ABCC9: variants seen among roughly 807,000 people sequenced by gnomAD.
ABCC9 encodes the protein ATP binding cassette subfamily C member 9, also known as ATP-binding cassette sub-family C member 9.
A neutral mutation model predicts 188.3 loss-of-function variants in ABCC9; 95 were observed. The ratio of observed to expected loss-of-function variants is 0.50; its 90% CI spans 0.43 to 0.60. The LOEUF (loss-of-function observed/expected upper bound fraction) is 0.60, where lower values mean the gene tolerates loss of function less well. Ranked by LOEUF, ABCC9 falls within the 20% of genes least tolerant of loss-of-function variation. The probability of loss-of-function intolerance (pLI) is 0.00; values close to 1 mark genes in which losing one functional copy is unlikely to be tolerated. For synonymous variants in ABCC9, 659 were observed against 652.7 expected (o/e 1.01, Z -0.15); for missense variants, 1,102 against 1,876.3 (o/e 0.59, Z 7.62).
chr12:21,814,735 C>T lies in ABCC9; in HGVS notation c.4024-13G>A. ...CACATATGCCCACCTAGGAAAACAG[C>T]TGTCACTCAAAGAGAAGAGGACTCA... On this transcript the variant is annotated splice_polypyrimidine_tract_variant and intron_variant, in intron 34 of 39. Coordinates refer to ENST00000261200, the MANE Select transcript of ABCC9 (RefSeq NM_020297.4). 6.2e-7 allele frequency: 1 copy of T among 1,612,334 alleles called. No individual in the cohort carries two copies. The highest frequency in any genetic ancestry group is 8.5e-7 in the Non-Finnish European group (1 of 1,178,488).
intron 16 of ABCC9, among the ~76,000 whole-genome samples, chr12:21,881,620 T>C (rs1946621164): frequency 6.6e-6 from 1 of 151,950 alleles, no homozygotes; most frequent in Admixed American, 6.6e-5. Flanking sequence ...AACAACAGCA[T>C]AGAGGACCAT....
At position 21,894,094 on chromosome 12, in the gene ABCC9, G is replaced by T; in HGVS notation, c.1740C>A (p.Ile580=). The stretch of plus-strand genomic sequence containing the variant: ...AGAGCAGGAACAGTGGTGTGACCAG[G>T]ATATGGAAGAGAGACAGTGAAGCAA... ...EAFASLSLFH[I]LVTPLFLLST... Residue 580 remains isoleucine, a synonymous_variant, in exon 14 of 40, where the codon ATC becomes ATA. Transcript: ENST00000261200. 5.6e-6 allele frequency: 9 copies of T among 1,614,054 alleles called. No homozygotes were observed. The highest frequency in any genetic ancestry group is 7.6e-6 in the Non-Finnish European group (9 of 1,180,020).
At chr12:21,837,734 C>T (rs59406438) in intron 30 of ABCC9, among the ~76,000 whole-genome samples, 5,829 of 151,870 alleles carry the variant, frequency 0.038, 116 homozygotes, top group African/African-American at 0.059. Flanking sequence ...TAATACTTCG[C>T]AGGGATAATA....
chr12:21,882,657 C>G (rs1390925560), intron 16 of ABCC9, 109 bp downstream of exon 16: 6 of 983,826 alleles, frequency 6.1e-6, no homozygotes, highest in Non-Finnish European at 9.5e-6. Flanking sequence ...TTAATGACAA[C>G]TGTAAAAACA....
chr12:21,867,485 G>A (rs111613933), intron 18 of ABCC9, among the ~76,000 whole-genome samples: 81 of 152,198 alleles, frequency 5.3e-4, no homozygotes, highest in African/African-American at 1.3e-3. Context: ...AGTTAAAGTC[G>A]ACACAGTGTA....
intron 33 of ABCC9, 92 bp downstream of exon 33, chr12:21,817,095 A>G: frequency 1.4e-6 from 2 of 1,428,672 alleles, no homozygotes; most frequent in Non-Finnish European, 1.9e-6. Flanking sequence ...CTGAAGTGGA[A>G]AGCAAAAGCA....
At chr12:21,873,763 C>T (rs1172668173) in intron 17 of ABCC9, among the ~76,000 whole-genome samples, 1 of 152,058 alleles carries the variant, frequency 6.6e-6, no homozygotes, top group Non-Finnish European at 1.5e-5. Flanking sequence ...TAAACCCATA[C>T]ATATACAGTC....
chr12:21,926,561 T>TA (rs908419679), intron 4 of ABCC9, among the ~76,000 whole-genome samples: 4 of 152,078 alleles, frequency 2.6e-5, no homozygotes, highest in African/African-American at 4.8e-5. Context: ...ACATCTGTAG[T>TA]AAAAAAATCT....
intron 3 of ABCC9, among the ~76,000 whole-genome samples, chr12:21,934,249 G>A (rs1305758584): frequency 1.3e-5 from 2 of 152,028 alleles, no homozygotes; most frequent in East Asian, 3.9e-4. Context: ...AAGGAAATAA[G>A]TTGATGATAA....
At chr12:21,883,184 A>AG (rs764028352) in intron 15 of ABCC9, among the ~76,000 whole-genome samples, 1 of 152,248 alleles carries the variant, frequency 6.6e-6, no homozygotes, top group Non-Finnish European at 1.5e-5. Context: ...GATTATGCCC[A>AG]GGCAATAAAA....
At position 21,844,775 on chromosome 12, in the gene ABCC9, T is replaced by C. The variant is rs554189538; in HGVS notation, c.3237A>G (p.Gly1079=). 1.2e-5 allele frequency: 20 copies of C among 1,613,930 alleles called. No individual in the cohort carries two copies. The East Asian group carries it at 3.3e-4, about 27-fold the overall frequency. The part of the protein sequence containing the change: ...HHNLLNKIIL[G]PIRFFDTTPL... Reference sequence around the variant, plus strand: ...AATAACCACTGTTTTACCTTATTGGTCCAAGGATTATCTTATTGAGAAGGT... The same window carrying C: ...AATAACCACTGTTTTACCTTATTGGCCCAAGGATTATCTTATTGAGAAGGT... The change falls in exon 27 of 40, where the codon GGA becomes GGG. Residue 1079 remains glycine, a synonymous_variant. Coordinates refer to ENST00000261200, the MANE Select transcript of ABCC9 (RefSeq NM_020297.4).
intron 15 of ABCC9, among the ~76,000 whole-genome samples, chr12:21,887,504 GTAT>G (rs1255922119): frequency 6.6e-6 from 1 of 152,142 alleles, no homozygotes; most frequent in East Asian, 1.9e-4. Flanking sequence ...TAGCTAAATG[GTAT>G]TATAAGAAAA....
At chr12:21,816,035 A>AGTTTTTTTTTTT (rs1942599410) in intron 33 of ABCC9, 142 bp from the exon 34 acceptor site, 1 of 76,254 alleles carries the variant, frequency 1.3e-5, no homozygotes, top group Non-Finnish European at 2.3e-5. Flanking sequence ...ACTATGTGGC[A>AGTTTTTTTTTTT]GTTTTTTTTT....
chr12:21,811,442 G>C (rs964418191), intron 36 of ABCC9, among the ~76,000 whole-genome samples: 5 of 152,052 alleles, frequency 3.3e-5, no homozygotes, highest in African/African-American at 9.7e-5. Flanking sequence ...GTACAAACTT[G>C]GTTTAAGTTA....
chr12:21,844,203 A>G (rs1414350339), intron 28 of ABCC9, among the ~76,000 whole-genome samples: 3 of 152,082 alleles, frequency 2.0e-5, no homozygotes, highest in Non-Finnish European at 4.4e-5. Context: ...AATCAAAACA[A>G]TTTTTTTATA....
intron 12 of ABCC9, among the ~76,000 whole-genome samples, chr12:21,900,567 G>T (rs1053988970): frequency 7.2e-5 from 11 of 152,074 alleles, no homozygotes; most frequent in Non-Finnish European, 1.3e-4. Flanking sequence ...CTTGAAAAAA[G>T]ATTAGACAAA....
rs1184386136 is a variant in ABCC9, at chr12:21,864,988, C to T, written c.2199-511G>A. On this transcript the variant is annotated intron_variant, in intron 18 of 39. Transcript: ENST00000261200. ...GGAGCTTGTAAGAAAAACAGACATG[C>T]ACCAGAAACCAAACTACATCTAAGT... is the stretch of plus-strand genomic sequence containing the variant. 3.3e-5 allele frequency among the ~76,000 whole-genome samples: 5 copies of T among 152,230 alleles called. No individual in the cohort carries two copies. In the East Asian group the frequency reaches 5.8e-4, roughly 18 times the overall value.
rs1482817674 is a variant in ABCC9, at chr12:21,941,017, T to C, written c.-137+183A>G. On this transcript the variant is annotated intron_variant, in intron 1 of 39. Coordinates refer to ENST00000261200, the MANE Select transcript of ABCC9 (RefSeq NM_020297.4). The surrounding 1 kb of genome is among the most constrained non-coding windows in gnomAD (Gnocchi z 5.4). ...GGAAACCTGATCCCCACCCCTTCAC[T>C]TCTCGAGCCGGGCCTCGTCCCTTAA... Among the ~76,000 whole-genome samples the C allele has an allele frequency of 6.6e-6, 1 of 152,188 alleles. No individual in the cohort carries two copies. Among genetic ancestry groups the C allele is most frequent in the Non-Finnish European group, 1.5e-5 (1 of 68,030 alleles).
At chr12:21,940,180 G>A (rs1422456173) in intron 2 of ABCC9, among the ~76,000 whole-genome samples, 2 of 152,132 alleles carry the variant, frequency 1.3e-5, no homozygotes, top group Admixed American at 6.5e-5. Context: ...AGTTCTGATC[G>A]AATAGCAATT....
Sources: allele counts gnomAD v4.1 joint callset (sites outside exome capture counted in the v4.1 genomes callset), GRCh38; gene constraint gnomAD v4.1.1; non-coding constraint Gnocchi (gnomAD v3.1); transcripts MANE v1.5; gene names NCBI Gene and HGNC (gene_info 2026-07-23, HGNC 2026-07-21).